The following GALNT13 variants were observed in gnomAD, a reference collection of about 807,000 sequenced individuals.
GALNT13 encodes the protein polypeptide N-acetylgalactosaminyltransferase 13.
Under a neutral mutation model 64.2 loss-of-function variants are expected in GALNT13, and 28 were observed. The observed-to-expected ratio is 0.44, with a 90% CI of 0.32 to 0.60. The LOEUF (loss-of-function observed/expected upper bound fraction) is 0.60, where lower values mean the gene tolerates loss of function less well. Ranked by LOEUF, GALNT13 falls within the 20% of genes least tolerant of loss-of-function variation. The pLI is 0.05. For synonymous variants in GALNT13, 214 were observed against 224.6 expected (o/e 0.95, Z 0.42); for missense variants, 577 against 669.8 (o/e 0.86, Z 1.53).
the GALNT13 span, among the ~76,000 whole-genome samples, chr2:153,264,371 C>G: frequency 6.6e-6 from 1 of 152,186 alleles, no homozygotes. Flanking sequence ...TTGTAGAAGA[C>G]AGTGTGGCAA....
At chr2:154,356,283 G>A (rs1696744855) in intron 9 of GALNT13, among the ~76,000 whole-genome samples, 1 of 151,770 alleles carries the variant, frequency 6.6e-6, no homozygotes. Context: ...TGTCTCTGGT[G>A]GATTATTCTG....
chr2:154,266,806 T>C (rs1691029445), intron 8 of GALNT13, among the ~76,000 whole-genome samples: 1 of 151,786 alleles, frequency 6.6e-6, no homozygotes, highest in African/African-American at 2.4e-5. Context: ...TGAATCTATA[T>C]TGATAAGCAA....
intron 4 of GALNT13, among the ~76,000 whole-genome samples, chr2:154,226,106 C>T (rs553592323): frequency 1.3e-5 from 2 of 152,000 alleles, no homozygotes; most frequent in Non-Finnish European, 2.9e-5. Context: ...GGGATTCTGG[C>T]TAGCCTTGGG....
intron 3 of GALNT13, among the ~76,000 whole-genome samples, chr2:153,994,792 G>T (rs1423997646): frequency 1.3e-5 from 2 of 151,920 alleles, no homozygotes; most frequent in Admixed American, 6.6e-5. Flanking sequence ...AAATTTGTTT[G>T]AGTTCTTCAT....
chr2:153,332,225 G>A, the GALNT13 span, among the ~76,000 whole-genome samples: 1 of 152,016 alleles, frequency 6.6e-6, no homozygotes, highest in African/African-American at 2.4e-5. Flanking sequence ...TAGCTTTGGG[G>A]TTAGCTTGTT....
chr2:153,185,870 G>C, the GALNT13 span, among the ~76,000 whole-genome samples: 2 of 152,078 alleles, frequency 1.3e-5, no homozygotes, highest in Admixed American at 6.6e-5. Flanking sequence ...GGAGTGTTTT[G>C]CTTCCAATTA....
intron 3 of GALNT13, among the ~76,000 whole-genome samples, chr2:153,958,366 T>A (rs186247593): frequency 6.6e-6 from 1 of 152,330 alleles, no homozygotes; most frequent in Admixed American, 6.5e-5. Context: ...TAAAAGCCTG[T>A]ACATAAGGGA....
intron 3 of GALNT13, among the ~76,000 whole-genome samples, chr2:154,073,201 A>G (rs1700823809): frequency 6.6e-6 from 1 of 150,630 alleles, no homozygotes; most frequent in African/African-American, 2.4e-5. Flanking sequence ...TGTGTGATGA[A>G]TGTGTAGAGT....
At chr2:154,113,731 C>A (rs1024017992) in intron 3 of GALNT13, among the ~76,000 whole-genome samples, 2 of 152,184 alleles carry the variant, frequency 1.3e-5, no homozygotes, top group African/African-American at 4.8e-5. Flanking sequence ...TGATATCTTG[C>A]AGAAGTGAAG....
At chr2:153,763,005 TAG>T in the GALNT13 span, among the ~76,000 whole-genome samples, 2 of 152,060 alleles carry the variant, frequency 1.3e-5, no homozygotes, top group African/African-American at 4.8e-5. Flanking sequence ...TTTGCTTTTG[TAG>T]AGTTACAAAA....
chr2:153,566,361 T>TTTTG, the GALNT13 span, among the ~76,000 whole-genome samples: 42 of 142,746 alleles, frequency 2.9e-4, 1 homozygote, highest in African/African-American at 1.1e-3. Flanking sequence ...TTTTTTTTTT[T>TTTTG]TTTTTTTTTT....
chr2:153,797,819 A>G, the GALNT13 span, among the ~76,000 whole-genome samples: 1 of 152,194 alleles, frequency 6.6e-6, no homozygotes, highest in Non-Finnish European at 1.5e-5. Context: ...TTGCTGGCCT[A>G]TGCCCACTGA....
the GALNT13 span, among the ~76,000 whole-genome samples, chr2:153,724,644 G>A: frequency 3.2e-5 from 4 of 123,466 alleles, no homozygotes; most frequent in Non-Finnish European, 4.9e-5. Flanking sequence ...AAGTGGGCGA[G>A]GGACATGAAC....
the GALNT13 span, among the ~76,000 whole-genome samples, chr2:153,179,937 T>C: frequency 6.6e-6 from 1 of 152,152 alleles, no homozygotes. Context: ...GTGGCTTCTT[T>C]AGAGTTTTCT....
At chr2:153,216,367 T>C in the GALNT13 span, among the ~76,000 whole-genome samples, 8 of 152,072 alleles carry the variant, frequency 5.3e-5, no homozygotes, top group African/African-American at 1.9e-4. Flanking sequence ...ATGGTTATTG[T>C]ATAACAAGCC....
Position 153,918,876 on chromosome 2 carries a change from A to T in GALNT13, c.-105+17869A>T, listed in dbSNP as rs188207452. Among the ~76,000 whole-genome samples the T allele has an allele frequency of 8.5e-5, 13 of 152,180 alleles. 1 individual carries two copies. The East Asian group carries it at 2.3e-3, about 27-fold the overall frequency. ...AACTATTACCTCTACTCATAGCTAA[A>T]TGTCTCCAAGATTTTTCAATATTTT... On this transcript the variant is annotated intron_variant, in intron 2 of 12. Transcript: ENST00000392825.
At chr2:154,008,837 C>G (rs536248564) in intron 3 of GALNT13, among the ~76,000 whole-genome samples, 1 of 152,234 alleles carries the variant, frequency 6.6e-6, no homozygotes, top group East Asian at 1.9e-4. Flanking sequence ...TTTATCCAGT[C>G]TACCGTTTAT....
At chr2:154,143,022 A>G (rs1683353997) in intron 4 of GALNT13, among the ~76,000 whole-genome samples, 1 of 152,152 alleles carries the variant, frequency 6.6e-6, no homozygotes, top group Admixed American at 6.5e-5. Context: ...GCTGTAGTGC[A>G]ATGGTCCCCA....
At chr2:154,301,109 TA>T (rs921305427) in intron 8 of GALNT13, among the ~76,000 whole-genome samples, 67 of 152,290 alleles carry the variant, frequency 4.4e-4, no homozygotes, top group African/African-American at 1.5e-3. Flanking sequence ...CAGATTTGGG[TA>T]CCAAATCTAC....
Sources: gnomAD v4.1 joint callset for allele counts (sites outside exome capture counted in the v4.1 genomes callset) on GRCh38, gnomAD v4.1.1 for gene constraint, MANE v1.5 for transcripts, NCBI Gene and HGNC (gene_info 2026-07-23, HGNC 2026-07-21) for gene names.